LINGO2: variants seen among roughly 807,000 people sequenced by gnomAD.
LINGO2 encodes the protein leucine-rich repeat and immunoglobulin-like domain-containing nogo receptor-interacting protein 2.
LINGO2 carries 14 observed loss-of-function variants against 30.6 expected under a neutral mutation model. The ratio of observed to expected loss-of-function variants is 0.46; its 90% CI spans 0.30 to 0.72. The LOEUF is 0.72. LINGO2 is among the 30% of genes least tolerant of loss of function. LINGO2 has a pLI of 0.07. For missense variants in LINGO2, 729 were observed against 751.7 expected (o/e 0.97, Z 0.35); for synonymous variants, 317 against 288.5 (o/e 1.10, Z -1.00).
At chr9:28,612,476 G>A (rs975631652) in intron 1 of LINGO2, among the ~76,000 whole-genome samples, 1 of 152,164 alleles carries the variant, frequency 6.6e-6, no homozygotes, top group Admixed American at 6.5e-5. Context: ...AGCCACAGGG[G>A]TTGAGCTGCC....
At position 28,172,031 on chromosome 9, in the gene LINGO2, A is replaced by AAC. The variant is rs1182505555; in HGVS notation, c.-87+123176_-87+123177insGT. Among the ~76,000 whole-genome samples the AAC allele has an allele frequency of 4.0e-5, 3 of 75,828 alleles. No homozygotes were observed. In the East Asian group the frequency reaches 8.3e-4, roughly 21 times the overall value. 49.7% of individuals were successfully genotyped at this position (75,828 alleles called of 152,430 possible). A position where few individuals can be genotyped will look rare whatever the true frequency, so the allele number is the denominator to read the frequency against. ...GACTCCGTCTCAAAAAAAAAAAAAA[A>AAC]AACAAAAAAAAAAACCCAGCATCTC... is the stretch of plus-strand genomic sequence containing the variant. On this transcript the variant is annotated intron_variant, in intron 4 of 5. Transcript: ENST00000379992.
At chr9:28,508,610 C>T (rs1013890881) in intron 1 of LINGO2, among the ~76,000 whole-genome samples, 11 of 151,884 alleles carry the variant, frequency 7.2e-5, no homozygotes, top group African/African-American at 2.7e-4. Context: ...TTTGTTAACC[C>T]CCCAATTTTG....
At chr9:28,998,907 T>G in the LINGO2 span, among the ~76,000 whole-genome samples, 3 of 151,768 alleles carry the variant, frequency 2.0e-5, no homozygotes, top group Admixed American at 2.0e-4. Flanking sequence ...AGTTAAAATT[T>G]TCTTCCGCTT....
chr9:28,767,572 T>C, the LINGO2 span, among the ~76,000 whole-genome samples: 3 of 151,830 alleles, frequency 2.0e-5, no homozygotes, highest in Non-Finnish European at 4.4e-5. Context: ...GATCACGAGG[T>C]CAGGAGATCG....
At chr9:28,005,177 T>C (rs1207470502) in intron 5 of LINGO2, among the ~76,000 whole-genome samples, 6 of 152,194 alleles carry the variant, frequency 3.9e-5, no homozygotes, top group Admixed American at 3.3e-4. Context: ...TCCTGCACGA[T>C]GTGACTGGCT....
At chr9:28,766,585 A>C in the LINGO2 span, among the ~76,000 whole-genome samples, 1 of 152,014 alleles carries the variant, frequency 6.6e-6, no homozygotes, top group Non-Finnish European at 1.5e-5. Flanking sequence ...TATGTACCCC[A>C]AAGGAGTGAA....
At chr9:27,966,673 C>T (rs557357792) in intron 5 of LINGO2, among the ~76,000 whole-genome samples, 19 of 152,086 alleles carry the variant, frequency 1.2e-4, no homozygotes, top group African/African-American at 4.6e-4. Flanking sequence ...ACCACCATGG[C>T]ACATATATAC....
At chr9:29,145,458 T>G in the LINGO2 span, among the ~76,000 whole-genome samples, 1 of 152,118 alleles carries the variant, frequency 6.6e-6, no homozygotes, top group Non-Finnish European at 1.5e-5. Flanking sequence ...TCTAACACAT[T>G]ATTTTGTCAA....
chr9:29,014,877 C>A, the LINGO2 span, among the ~76,000 whole-genome samples: 1 of 152,056 alleles, frequency 6.6e-6, no homozygotes, highest in Non-Finnish European at 1.5e-5. Context: ...TTTCTAACAT[C>A]TTTTAATCAG....
At chr9:28,492,623 C>T (rs2135273232) in intron 1 of LINGO2, among the ~76,000 whole-genome samples, 1 of 152,214 alleles carries the variant, frequency 6.6e-6, no homozygotes, top group East Asian at 1.9e-4. Flanking sequence ...GAAATACTAA[C>T]AGCTGTTAAT....
intron 4 of LINGO2, among the ~76,000 whole-genome samples, chr9:28,060,579 T>G (rs536311801): frequency 6.6e-5 from 10 of 152,308 alleles, no homozygotes; most frequent in African/African-American, 2.2e-4. Context: ...GCAGTCTGAC[T>G]TTAGAGCTTG....
chr9:28,017,316 A>G (rs953997913), intron 4 of LINGO2, among the ~76,000 whole-genome samples: 2 of 152,148 alleles, frequency 1.3e-5, no homozygotes, highest in African/African-American at 2.4e-5. Context: ...CCTATGCAAC[A>G]TAGTACTGGA....
rs575373531 is a variant in LINGO2 at position 28,067,204 on chromosome 9, T to C, written c.-86-54799A>G. Among the ~76,000 whole-genome samples, 5 of 152,232 alleles carry C rather than the reference T, an allele frequency of 3.3e-5. No individual in the cohort carries two copies. In the South Asian group the frequency reaches 1.0e-3, roughly 32 times the overall value. ...TAAAATATCTTTGTGAACAATTATA[T>C]ATCAACAATATGGGTATCCTGTGAA... On this transcript the variant is annotated intron_variant, in intron 4 of 5. Coordinates refer to ENST00000379992, the Ensembl canonical transcript of LINGO2.
At chr9:28,175,302 T>C (rs763613584) in intron 4 of LINGO2, among the ~76,000 whole-genome samples, 2 of 151,930 alleles carry the variant, frequency 1.3e-5, no homozygotes, top group Non-Finnish European at 1.5e-5. Flanking sequence ...TCAAGATGCT[T>C]TCCAGGAAAG....
chr9:27,949,307 C>G, exon 6 of LINGO2: 2 of 1,614,132 alleles, frequency 1.2e-6, no homozygotes, highest in African/African-American at 1.3e-5. Flanking sequence ...TTCCATTGGA[C>G]TTGGTGGTGA....
the LINGO2 span, among the ~76,000 whole-genome samples, chr9:28,790,325 C>CTCTTTTTTT: frequency 1.9e-5 from 2 of 106,300 alleles, no homozygotes; most frequent in Non-Finnish European, 3.6e-5. Context: ...TCTTTTCTTT[C>CTCTTTTTTT]TTTTTTTTTT....
intron 4 of LINGO2, among the ~76,000 whole-genome samples, chr9:28,225,326 T>C (rs1821109806): frequency 6.6e-6 from 1 of 152,298 alleles, no homozygotes; most frequent in African/African-American, 2.4e-5. Flanking sequence ...TGTTCTTGGA[T>C]GGTAAGTCTG....
At chr9:29,092,376 A>G in the LINGO2 span, among the ~76,000 whole-genome samples, 1 of 152,068 alleles carries the variant, frequency 6.6e-6, no homozygotes, top group Admixed American at 6.6e-5. Context: ...GATATTCTAC[A>G]CACCAAAAAG....
At chr9:28,574,969 G>A (rs1823882507) in intron 1 of LINGO2, among the ~76,000 whole-genome samples, 2 of 152,114 alleles carry the variant, frequency 1.3e-5, no homozygotes, top group African/African-American at 4.8e-5. Flanking sequence ...GCTCATCAAT[G>A]GTGGACTGGA....
Sources: gnomAD v4.1 joint callset for allele counts (sites outside exome capture counted in the v4.1 genomes callset) on GRCh38, gnomAD v4.1.1 for gene constraint, MANE v1.5 for transcripts, NCBI Gene and HGNC (gene_info 2026-07-23, HGNC 2026-07-21) for gene names.